The following TMEM163 variants were observed in gnomAD, a reference collection of about 807,000 sequenced individuals.
The protein encoded by TMEM163 is transmembrane protein 163.
TMEM163 carries 17 observed loss-of-function variants against 29.3 expected under a neutral mutation model. That is an observed-to-expected ratio of 0.58 (90% CI 0.40 to 0.87). The LOEUF is 0.87. Among genes scored for constraint, TMEM163 ranks in the 40% least tolerant of loss-of-function variants. TMEM163 has a pLI of 0.00. For synonymous variants in TMEM163, 157 were observed against 160.6 expected (o/e 0.98, Z 0.17); for missense variants, 303 against 381.5 (o/e 0.79, Z 1.71).
chr2:134,623,292 T>C (rs1574288384), intron 2 of TMEM163, among the ~76,000 whole-genome samples: 1 of 152,160 alleles, frequency 6.6e-6, no homozygotes, highest in African/African-American at 2.4e-5. Flanking sequence ...CAAATTCTGA[T>C]GGCAGCCACT....
intron 2 of TMEM163, among the ~76,000 whole-genome samples, chr2:134,627,525 A>G (rs1289594759): frequency 1.3e-5 from 2 of 152,226 alleles, no homozygotes; most frequent in Non-Finnish European, 2.9e-5. Flanking sequence ...AAACACTCTC[A>G]TACTAAAATT....
intron 6 of TMEM163, among the ~76,000 whole-genome samples, chr2:134,459,478 T>C (rs1686481528): frequency 6.6e-6 from 1 of 152,044 alleles, no homozygotes; most frequent in African/African-American, 2.4e-5. Flanking sequence ...CCTCCCTCCT[T>C]CCCAGATTGG....
At chr2:134,717,051 T>C (rs2104904084) in intron 1 of TMEM163, among the ~76,000 whole-genome samples, 1 of 152,298 alleles carries the variant, frequency 6.6e-6, no homozygotes, top group East Asian at 1.9e-4. Context: ...AAAAATAACC[T>C]TAAGAATGAA....
intron 2 of TMEM163, among the ~76,000 whole-genome samples, chr2:134,642,781 C>T (rs191077085): frequency 3.3e-5 from 5 of 152,124 alleles, no homozygotes; most frequent in Admixed American, 6.5e-5. Flanking sequence ...AAAGAGGATA[C>T]TTCAAAAAAG....
chr2:134,683,453 G>T (rs1358344910), intron 2 of TMEM163, among the ~76,000 whole-genome samples: 1 of 150,748 alleles, frequency 6.6e-6, no homozygotes, highest in East Asian at 1.9e-4. Context: ...AAAGAAAATG[G>T]AAACCTAAAC....
chr2:134,525,808 T>A (rs915709821), intron 4 of TMEM163, among the ~76,000 whole-genome samples: 1 of 152,196 alleles, frequency 6.6e-6, no homozygotes, highest in African/African-American at 2.4e-5. Context: ...CCTGAGGGCA[T>A]CTCTCCTGCA....
intron 5 of TMEM163, among the ~76,000 whole-genome samples, chr2:134,495,460 T>C (rs1297247542): frequency 6.6e-6 from 1 of 152,196 alleles, no homozygotes. Context: ...AGATAATAAA[T>C]GGCTGAAGAA....
At chr2:134,700,939 TAAA>T (rs1203146420) in intron 2 of TMEM163, among the ~76,000 whole-genome samples, 103 of 146,684 alleles carry the variant, frequency 7.0e-4, no homozygotes, top group Admixed American at 2.4e-3. Flanking sequence ...AATAAATAAA[TAAA>T]TAAATAAAGT....
chr2:134,601,371 T>C (rs1682227739), intron 2 of TMEM163, among the ~76,000 whole-genome samples: 1 of 151,996 alleles, frequency 6.6e-6, no homozygotes. Flanking sequence ...CAAGAAACGA[T>C]CGTGGGATCG....
Position 134,550,573 on chromosome 2 carries a change from T to C in TMEM163, c.455A>G (p.Tyr152Cys). The change falls in exon 4 of 8, where the codon TAC (tyrosine) becomes TGC (cysteine). Residue 152 changes from tyrosine (Y) to cysteine (C), a missense_variant. Tyr to Cys is a radical substitution (Grantham distance 194). Coordinates refer to ENST00000281924, the MANE Select transcript of TMEM163 (RefSeq NM_030923.5). ...AGAAAGACAAGAATCTACTTACATG[T>C]ACTCCCTATGGGCAGAGTGCACAGC... The part of the protein sequence containing the change: ...AAAVHSAHRE[Y>C]IACVILGVIF... 1.2e-6 allele frequency: 2 copies of C among 1,614,010 alleles called. No individual in the cohort carries two copies. The highest frequency in any genetic ancestry group is 1.7e-6 in the Non-Finnish European group (2 of 1,179,934).
chr2:134,548,535 T>G (rs1055102809), intron 4 of TMEM163, among the ~76,000 whole-genome samples: 1 of 152,230 alleles, frequency 6.6e-6, no homozygotes, highest in African/African-American at 2.4e-5. Flanking sequence ...CTTATTGAAT[T>G]CCTCAAATAC....
chr2:134,543,958 G>A (rs12467184), intron 4 of TMEM163, among the ~76,000 whole-genome samples: 5,509 of 152,218 alleles, frequency 0.036, 223 homozygotes, highest in East Asian at 0.14. Context: ...GCATTGTGAC[G>A]CTGTGTTGTA....
At chr2:134,491,766 A>C (rs1020050879) in intron 5 of TMEM163, among the ~76,000 whole-genome samples, 1 of 152,210 alleles carries the variant, frequency 6.6e-6, no homozygotes, top group East Asian at 1.9e-4. Context: ...CTTTTTACAC[A>C]AAGAGGCTTA....
At chr2:134,512,300 A>G (rs1679966626) in intron 4 of TMEM163, among the ~76,000 whole-genome samples, 1 of 152,286 alleles carries the variant, frequency 6.6e-6, no homozygotes, top group Non-Finnish European at 1.5e-5. Flanking sequence ...TCTAATAAAA[A>G]TATGAAAATT....
At chr2:134,696,066 AAAG>A (rs61571830) in intron 2 of TMEM163, among the ~76,000 whole-genome samples, 28,980 of 150,334 alleles carry the variant, frequency 0.19, 3,189 homozygotes, top group Middle Eastern at 0.37. Context: ...AAAAAAAAAA[AAAG>A]GTTTAAATTC....
At chr2:134,680,679 T>C (rs1475570488) in intron 2 of TMEM163, among the ~76,000 whole-genome samples, 1 of 152,078 alleles carries the variant, frequency 6.6e-6, no homozygotes, top group African/African-American at 2.4e-5. Flanking sequence ...CCTGGCCAGG[T>C]CAAAGGAGTA....
intron 2 of TMEM163, among the ~76,000 whole-genome samples, chr2:134,554,467 G>GC (rs1465470419): frequency 6.8e-6 from 1 of 146,410 alleles, no homozygotes; most frequent in East Asian, 2.0e-4. Flanking sequence ...GAGAAATGCT[G>GC]CCACCGGGCT....
intron 2 of TMEM163, among the ~76,000 whole-genome samples, chr2:134,585,721 G>A (rs547821830): frequency 7.6e-5 from 11 of 144,432 alleles, no homozygotes; most frequent in South Asian, 6.9e-4. Context: ...CAGCCTGGGC[G>A]ACAGAGCGAG....
At chr2:134,555,838 C>T (rs1681037256) in intron 2 of TMEM163, among the ~76,000 whole-genome samples, 1 of 152,218 alleles carries the variant, frequency 6.6e-6, no homozygotes, top group Admixed American at 6.5e-5. Flanking sequence ...TAAGAGCATC[C>T]TGATTCTCCT....
Sources: allele counts gnomAD v4.1 joint callset (sites outside exome capture counted in the v4.1 genomes callset), GRCh38; gene constraint gnomAD v4.1.1; transcripts MANE v1.5; gene names NCBI Gene and HGNC (gene_info 2026-07-23, HGNC 2026-07-21).